NRF1: variants seen among roughly 807,000 people sequenced by gnomAD.
The protein encoded by NRF1 is nuclear respiratory factor 1, also known as alpha palindromic-binding protein.
A neutral mutation model predicts 58.5 loss-of-function variants in NRF1; 5 were observed. The ratio of observed to expected loss-of-function variants is 0.09; its 90% CI spans 0.04 to 0.18. The LOEUF (loss-of-function observed/expected upper bound fraction) is 0.18. NRF1 is among the 10% of genes least tolerant of loss of function. The probability of loss-of-function intolerance (pLI) is 1.00; values close to 1 mark genes in which losing one functional copy is unlikely to be tolerated. For synonymous variants in NRF1, 224 were observed against 246.7 expected (o/e 0.91, Z 0.86); for missense variants, 288 against 657.7 (o/e 0.44, Z 6.15).
chr7:129,696,060 T>TA (rs11434445), intron 5 of NRF1, among the ~76,000 whole-genome samples: 29,087 of 53,202 alleles, frequency 0.55, 7,531 homozygotes, highest in Middle Eastern at 0.63. Context: ...CCGTCTCTAC[T>TA]AAAAAAAAAA....
intron 1 of NRF1, among the ~76,000 whole-genome samples, chr7:129,634,061 TAC>T (rs141834786): frequency 0.013 from 1,686 of 131,406 alleles, 17 homozygotes; most frequent in East Asian, 0.05. Context: ...TATATATATA[TAC>T]ACACACACAC....
rs1198187319 is a variant in NRF1, at chr7:129,664,167, GGGGAGA to G, written c.223+6610_223+6615del. The stretch of plus-strand genomic sequence containing the variant: ...GAGGGGGAAAGGGAGGGAGAGGGTA[GGGGAGA>G]GGGAGAGGGAGAGGGATCCAATTTA... On this transcript the variant is annotated intron_variant, in intron 2 of 10. Coordinates refer to ENST00000393232, the MANE Select transcript of NRF1 (RefSeq NM_005011.5). Among the ~76,000 whole-genome samples the G allele has an allele frequency of 1.5e-3, 228 of 152,092 alleles. 3 individuals carry two copies. The highest frequency in any genetic ancestry group is 0.011 in the East Asian group (58 of 5,154).
intron 9 of NRF1, among the ~76,000 whole-genome samples, chr7:129,722,247 C>T (rs1467598575): frequency 1.3e-5 from 2 of 151,722 alleles, no homozygotes; most frequent in African/African-American, 4.8e-5. Context: ...CAAAAGTAGC[C>T]GGGCGTGGTG....
At chr7:129,728,733 G>T (rs1466145169) in intron 10 of NRF1, among the ~76,000 whole-genome samples, 2 of 152,212 alleles carry the variant, frequency 1.3e-5, no homozygotes, top group African/African-American at 4.8e-5. Context: ...CATAGGAAAT[G>T]CAAAGAGCCA....
At chr7:129,617,508 T>A (rs1011427953) in intron 1 of NRF1, among the ~76,000 whole-genome samples, 1 of 152,216 alleles carries the variant, frequency 6.6e-6, no homozygotes, top group Non-Finnish European at 1.5e-5. Context: ...CCTCCTTAAG[T>A]GTATTCTCAC....
Position 129,692,859 on chromosome 7 carries a change from T to A in NRF1, c.606+2313T>A, listed in dbSNP as rs187616345. Among the ~76,000 whole-genome samples the A allele has an allele frequency of 1.4e-3, 220 of 152,300 alleles. 4 individuals are homozygous for A. Among genetic ancestry groups the A allele is most frequent in the Non-Finnish European group, 5.4e-4 (37 of 68,018 alleles). On this transcript the variant is annotated intron_variant, in intron 5 of 10. Transcript: ENST00000393232. ...TCCCAGATGATTGCATGATGGACTT[T>A]ATCTTATTCAAAGTCTAGCTCAAAT...
At chr7:129,646,580 A>G (rs959123365) in intron 1 of NRF1, among the ~76,000 whole-genome samples, 2 of 152,214 alleles carry the variant, frequency 1.3e-5, no homozygotes, top group Non-Finnish European at 2.9e-5. Context: ...GTGGAATGCC[A>G]TTCAGCTGGT....
intron 1 of NRF1, among the ~76,000 whole-genome samples, chr7:129,637,366 T>A (rs1266159322): frequency 6.6e-6 from 1 of 152,122 alleles, no homozygotes; most frequent in Non-Finnish European, 1.5e-5. Context: ...TGTCCCTGAT[T>A]TCATGAGTTT....
chr7:129,680,460 C>A (rs1458689258), intron 4 of NRF1, among the ~76,000 whole-genome samples: 1 of 152,178 alleles, frequency 6.6e-6, no homozygotes, highest in East Asian at 1.9e-4. Context: ...CCCAAGAGAA[C>A]TGAAAGCATA....
Position 129,755,204 on chromosome 7 carries a change from G to A in NRF1, c.*23G>A, listed in dbSNP as rs374795819. ...TGACATACAGCCATATTATGGCATC[G>A]TTTTCTAGTCTACTTCAAAATTTTT... On this transcript the variant is annotated 3_prime_UTR_variant, in exon 11 of 11. Transcript: ENST00000393232. The surrounding 1 kb of genome is among the most constrained non-coding windows in gnomAD (Gnocchi z 5.8). The A allele has an allele frequency of 4.5e-5, 69 of 1,537,912 alleles. No individual in the cohort carries two copies. Among genetic ancestry groups the A allele is most frequent in the Middle Eastern group, 1.7e-4 (1 of 5,884 alleles).
intron 10 of NRF1, among the ~76,000 whole-genome samples, chr7:129,730,180 T>A (rs1803546307): frequency 6.6e-6 from 1 of 152,144 alleles, no homozygotes; most frequent in African/African-American, 2.4e-5. Context: ...AGGTCACATT[T>A]TTTTTTAATC....
At chr7:129,647,053 C>T (rs1009852325) in intron 1 of NRF1, among the ~76,000 whole-genome samples, 5 of 151,986 alleles carry the variant, frequency 3.3e-5, no homozygotes, top group Non-Finnish European at 5.9e-5. Flanking sequence ...TTTTTTTCTT[C>T]GAGATGGAGT....
intron 1 of NRF1, among the ~76,000 whole-genome samples, chr7:129,628,578 C>G (rs1800974673): frequency 1.3e-5 from 2 of 152,120 alleles, no homozygotes. Flanking sequence ...TCTTTAATGT[C>G]TGGCTTAAGA....
chr7:129,629,328 G>C (rs1261048196), intron 1 of NRF1, among the ~76,000 whole-genome samples: 1 of 149,462 alleles, frequency 6.7e-6, no homozygotes, highest in Non-Finnish European at 1.5e-5. Flanking sequence ...ACCCAGGCTG[G>C]AGTACAGTGG....
At chr7:129,751,627 A>G (rs1316768783) in intron 10 of NRF1, among the ~76,000 whole-genome samples, 2 of 152,186 alleles carry the variant, frequency 1.3e-5, no homozygotes, top group African/African-American at 4.8e-5. Flanking sequence ...TAGTTAGAAA[A>G]GATCTCCCTG....
At chr7:129,646,695 CCTT>C (rs1255698364) in intron 1 of NRF1, among the ~76,000 whole-genome samples, 1 of 152,132 alleles carries the variant, frequency 6.6e-6, no homozygotes, top group Non-Finnish European at 1.5e-5. Flanking sequence ...CAAAGAAATC[CCTT>C]CTTCTCTCCC....
intron 5 of NRF1, among the ~76,000 whole-genome samples, chr7:129,704,832 A>G (rs549563693): frequency 6.6e-6 from 1 of 152,164 alleles, no homozygotes; most frequent in African/African-American, 2.4e-5. Flanking sequence ...CAGATCTTCA[A>G]ATTAGGGATG....
At chr7:129,637,903 G>A (rs916953415) in intron 1 of NRF1, among the ~76,000 whole-genome samples, 3 of 150,504 alleles carry the variant, frequency 2.0e-5, no homozygotes, top group African/African-American at 7.3e-5. Context: ...ATCAGCTATC[G>A]TTAGTGTTAG....
intron 2 of NRF1, among the ~76,000 whole-genome samples, chr7:129,658,376 G>C (rs1481954893): frequency 6.6e-6 from 1 of 152,048 alleles, no homozygotes; most frequent in African/African-American, 2.4e-5. Flanking sequence ...AGGATCACTT[G>C]AGCCCAGGAG....
Sources: gnomAD v4.1 joint callset for allele counts (sites outside exome capture counted in the v4.1 genomes callset) on GRCh38, gnomAD v4.1.1 for gene constraint, Gnocchi (gnomAD v3.1) non-coding constraint, MANE v1.5 for transcripts, NCBI Gene and HGNC (gene_info 2026-07-23, HGNC 2026-07-21) for gene names.